The following SPAG16 variants were observed in gnomAD, a reference collection of about 807,000 sequenced individuals.
SPAG16 encodes the protein sperm associated antigen 16.
SPAG16 carries 86 observed loss-of-function variants against 80.4 expected under a neutral mutation model. The observed-to-expected ratio is 1.07, with a 90% CI of 0.90 to 1.28. SPAG16 has a LOEUF of 1.28. Among genes scored for constraint, SPAG16 ranks in the 50% most tolerant of loss-of-function variants. The probability of loss-of-function intolerance (pLI) is 0.00; values close to 1 mark genes in which losing one functional copy is unlikely to be tolerated. For missense variants in SPAG16, 870 were observed against 765.3 expected (o/e 1.14, Z -1.61); for synonymous variants, 294 against 265.9 (o/e 1.11, Z -1.03).
intron 13 of SPAG16, among the ~76,000 whole-genome samples, chr2:214,107,829 A>G (rs2053459810): frequency 6.6e-6 from 1 of 152,188 alleles, no homozygotes; most frequent in Admixed American, 6.6e-5. Context: ...GCAGCAGTAG[A>G]TATGCTGTGC....
chr2:213,312,611 A>G (rs1360062721), intron 4 of SPAG16, among the ~76,000 whole-genome samples: 2 of 151,682 alleles, frequency 1.3e-5, no homozygotes, highest in African/African-American at 2.4e-5. Flanking sequence ...TTCGTATTCA[A>G]CACTTAGTTC....
intron 12 of SPAG16, among the ~76,000 whole-genome samples, chr2:213,975,997 C>T (rs2045350577): frequency 6.6e-6 from 1 of 151,304 alleles, no homozygotes; most frequent in African/African-American, 2.4e-5. Flanking sequence ...GCTTACATGG[C>T]TTGCAAACTT....
At chr2:213,328,987 A>T (rs1225363333) in intron 5 of SPAG16, among the ~76,000 whole-genome samples, 1 of 152,128 alleles carries the variant, frequency 6.6e-6, no homozygotes, top group African/African-American at 2.4e-5. Context: ...GTTTCCCTGC[A>T]CAAGCTCTCC....
At chr2:213,639,780 T>A (rs2062515457) in intron 10 of SPAG16, among the ~76,000 whole-genome samples, 1 of 152,202 alleles carries the variant, frequency 6.6e-6, no homozygotes, top group African/African-American at 2.4e-5. Flanking sequence ...TACTTGGATG[T>A]CTATATTTCT....
intron 14 of SPAG16, among the ~76,000 whole-genome samples, chr2:214,127,758 C>G (rs574590913): frequency 6.6e-6 from 1 of 151,870 alleles, no homozygotes; most frequent in African/African-American, 2.4e-5. Flanking sequence ...CACCCTCACC[C>G]GGCACTAGGC....
chr2:213,610,575 A>G lies in SPAG16; in HGVS notation c.1070+120485A>G, dbSNP rs529016036. Among the ~76,000 whole-genome samples the G allele has an allele frequency of 1.1e-4, 16 of 152,262 alleles. 1 individual carries two copies. The highest frequency in any genetic ancestry group is 4.1e-4 in the South Asian group (2 of 4,822). ...ACCTTGCTACAGGAAAAGGGTCCCA[A>G]TCCAGACCCCAAAAGAGAGTTCTTG... On this transcript the variant is annotated intron_variant, in intron 10 of 15. Transcript: ENST00000331683.
chr2:213,367,298 A>G (rs571533501), intron 8 of SPAG16, among the ~76,000 whole-genome samples: 6 of 151,770 alleles, frequency 4.0e-5, no homozygotes, highest in Non-Finnish European at 7.4e-5. Flanking sequence ...CTTTGGGTAT[A>G]TACCCAGTAA....
chr2:213,644,919 A>G (rs1334400994), intron 10 of SPAG16, among the ~76,000 whole-genome samples: 1 of 152,228 alleles, frequency 6.6e-6, no homozygotes, highest in Non-Finnish European at 1.5e-5. Context: ...AAAACCAGCC[A>G]GGCCTGTGTC....
chr2:213,695,594 A>G (rs1314227742), intron 10 of SPAG16, among the ~76,000 whole-genome samples: 1 of 152,198 alleles, frequency 6.6e-6, no homozygotes, highest in Non-Finnish European at 1.5e-5. Context: ...TACTAAGACA[A>G]GGTGATAGAT....
intron 3 of SPAG16, among the ~76,000 whole-genome samples, chr2:213,308,727 G>A (rs2371890): frequency 0.68 from 103,750 of 152,032 alleles, 36,194 homozygotes; most frequent in East Asian, 1. Flanking sequence ...GAAGGGCAGT[G>A]TTCTAAAGTG....
chr2:213,535,185 T>C (rs1254073886), intron 10 of SPAG16, among the ~76,000 whole-genome samples: 3 of 152,030 alleles, frequency 2.0e-5, no homozygotes, highest in African/African-American at 7.2e-5. Context: ...ATGTTTGGCA[T>C]CCAAACAAAA....
chr2:213,358,607 C>G (rs1411432195), intron 7 of SPAG16, among the ~76,000 whole-genome samples: 1 of 152,164 alleles, frequency 6.6e-6, no homozygotes, highest in Non-Finnish European at 1.5e-5. Context: ...TCAGCTCCAT[C>G]AGGTCATTTA....
intron 10 of SPAG16, among the ~76,000 whole-genome samples, chr2:213,613,122 A>G (rs1172094857): frequency 6.6e-6 from 1 of 152,186 alleles, no homozygotes. Flanking sequence ...AACCACTTAT[A>G]GTCCAAGCTA....
At chr2:213,811,756 A>G (rs759389207) in intron 10 of SPAG16, among the ~76,000 whole-genome samples, 6 of 152,274 alleles carry the variant, frequency 3.9e-5, no homozygotes, top group Non-Finnish European at 7.4e-5. Context: ...GGTATAATTT[A>G]TATATTTTCT....
chr2:214,057,267 A>G (rs1270157157), intron 13 of SPAG16, among the ~76,000 whole-genome samples: 1 of 151,742 alleles, frequency 6.6e-6, no homozygotes, highest in African/African-American at 2.4e-5. Flanking sequence ...TTCTCATATA[A>G]TAAGACTTAA....
chr2:214,220,638 T>G (rs952106196), intron 15 of SPAG16, among the ~76,000 whole-genome samples: 1 of 152,136 alleles, frequency 6.6e-6, no homozygotes, highest in African/African-American at 2.4e-5. Context: ...ATGCTAAAAC[T>G]GGATGGCAAA....
intron 10 of SPAG16, among the ~76,000 whole-genome samples, chr2:213,743,504 T>TAA (rs141181912): frequency 6.6e-6 from 1 of 152,102 alleles, no homozygotes; most frequent in Non-Finnish European, 1.5e-5. Context: ...TATTTCATCC[T>TAA]AAAAAATGTT....
At chr2:213,826,380 C>T (rs187833956) in intron 10 of SPAG16, among the ~76,000 whole-genome samples, 6 of 151,956 alleles carry the variant, frequency 3.9e-5, no homozygotes, top group Admixed American at 3.9e-4. Flanking sequence ...GCACTTATAG[C>T]TATAAACTTT....
intron 10 of SPAG16, among the ~76,000 whole-genome samples, chr2:213,540,029 A>ATTTTTTT (rs58117443): frequency 7.2e-5 from 8 of 110,816 alleles, no homozygotes; most frequent in Non-Finnish European, 1.1e-4. Context: ...ATATTTCTTA[A>ATTTTTTT]TTTTTTTTTT....
Sources: gnomAD v4.1 joint callset for allele counts (sites outside exome capture counted in the v4.1 genomes callset) on GRCh38, gnomAD v4.1.1 for gene constraint, MANE v1.5 for transcripts, NCBI Gene and HGNC (gene_info 2026-07-23, HGNC 2026-07-21) for gene names.